The following GSK3B variants were observed in gnomAD, a reference collection of about 807,000 sequenced individuals.
GSK3B encodes the protein glycogen synthase kinase 3 beta, also known as glycogen synthase kinase-3 beta.
A neutral mutation model predicts 56.4 loss-of-function variants in GSK3B; 15 were observed. The ratio of observed to expected loss-of-function variants is 0.27; its 90% CI spans 0.18 to 0.41. GSK3B has a LOEUF of 0.41. Among genes scored for constraint, GSK3B ranks in the 10% least tolerant of loss-of-function variants. GSK3B has a pLI of 1.00. For synonymous variants in GSK3B, 181 were observed against 188.9 expected, an observed-to-expected ratio of 0.96 and a Z score of 0.34; for missense variants, 300 against 513.4, an observed-to-expected ratio of 0.58 and a Z score of 4.02.
At chr3:119,842,347 C>G (rs1454818677) in intron 10 of GSK3B, among the ~76,000 whole-genome samples, 2 of 152,072 alleles carry the variant, frequency 1.3e-5, no homozygotes, top group Admixed American at 1.3e-4. Flanking sequence ...AGTCTTGTCA[C>G]ATTCTGATCT....
chr3:119,897,848 G>T (rs1214145482), intron 7 of GSK3B, among the ~76,000 whole-genome samples: 2 of 149,732 alleles, frequency 1.3e-5, no homozygotes, highest in Non-Finnish European at 3.0e-5. Flanking sequence ...CAATGAAAAT[G>T]TTAAGTCAGG....
intron 1 of GSK3B, among the ~76,000 whole-genome samples, chr3:120,005,602 GAGAGT>G (rs1156825664): frequency 6.6e-6 from 1 of 152,234 alleles, no homozygotes; most frequent in African/African-American, 2.4e-5. Context: ...CAAGCCAGAA[GAGAGT>G]AGGGGGAAAA....
chr3:119,870,611 C>T (rs1392545401), intron 8 of GSK3B, among the ~76,000 whole-genome samples: 1 of 151,850 alleles, frequency 6.6e-6, no homozygotes, highest in Non-Finnish European at 1.5e-5. Flanking sequence ...AAATATATAG[C>T]CAGTAGAAAT....
chr3:119,848,604 C>T (rs919288529), intron 9 of GSK3B, among the ~76,000 whole-genome samples: 1 of 152,090 alleles, frequency 6.6e-6, no homozygotes, highest in Non-Finnish European at 1.5e-5. Flanking sequence ...TTAATCCCTT[C>T]CCCTAAGACC....
At chr3:120,050,520 G>C (rs1216500623) in intron 1 of GSK3B, among the ~76,000 whole-genome samples, 2 of 152,212 alleles carry the variant, frequency 1.3e-5, no homozygotes, top group Non-Finnish European at 1.5e-5. Flanking sequence ...AGATATTTAG[G>C]GGGTAGACTT....
intron 2 of GSK3B, among the ~76,000 whole-genome samples, chr3:119,973,523 T>C (rs904644378): frequency 6.6e-6 from 1 of 152,192 alleles, no homozygotes; most frequent in Non-Finnish European, 1.5e-5. Flanking sequence ...AGAAGGTCAG[T>C]AGTAGCCTAA....
intron 1 of GSK3B, among the ~76,000 whole-genome samples, chr3:120,010,127 A>AT (rs917137309): frequency 2.6e-5 from 4 of 152,184 alleles, no homozygotes; most frequent in Non-Finnish European, 5.9e-5. Flanking sequence ...ATAAGCCAAT[A>AT]TAAAAAAAGC....
intron 3 of GSK3B, among the ~76,000 whole-genome samples, chr3:119,927,734 T>C (rs550280242): frequency 2.0e-5 from 3 of 152,062 alleles, no homozygotes; most frequent in East Asian, 1.9e-4. Context: ...GCCATGAGAA[T>C]AGACTTGTTC....
intron 2 of GSK3B, among the ~76,000 whole-genome samples, chr3:119,967,681 G>A (rs1217408162): frequency 6.6e-6 from 1 of 152,004 alleles, no homozygotes; most frequent in African/African-American, 2.4e-5. Flanking sequence ...TTGGACAACT[G>A]GATATTCAGC....
intron 1 of GSK3B, among the ~76,000 whole-genome samples, chr3:120,003,968 G>T (rs952461686): frequency 1.3e-5 from 2 of 152,244 alleles, no homozygotes; most frequent in African/African-American, 4.8e-5. Flanking sequence ...AAGTGCAAAG[G>T]GTTGGGGGAT....
chr3:119,834,964 C>T (rs188922496), intron 10 of GSK3B, among the ~76,000 whole-genome samples: 3 of 152,228 alleles, frequency 2.0e-5, no homozygotes, highest in Non-Finnish European at 4.4e-5. Context: ...ACAAAGTGAA[C>T]CTGAAACCCT....
chr3:120,083,595 A>G (rs1267766925), intron 1 of GSK3B, among the ~76,000 whole-genome samples: 1 of 152,246 alleles, frequency 6.6e-6, no homozygotes, highest in Non-Finnish European at 1.5e-5. Flanking sequence ...AAACAGCTTA[A>G]TAGCTCCTTA....
At chr3:120,091,030 T>TC (rs1559909772) in intron 1 of GSK3B, among the ~76,000 whole-genome samples, 1 of 152,140 alleles carries the variant, frequency 6.6e-6, no homozygotes, top group African/African-American at 2.4e-5. Context: ...TTAACATCAG[T>TC]CCTAATACAC....
intron 2 of GSK3B, among the ~76,000 whole-genome samples, chr3:119,967,866 CCTTT>C (rs527871617): frequency 1.2e-3 from 152 of 129,812 alleles, no homozygotes; most frequent in Non-Finnish European, 1.9e-3. Flanking sequence ...CTCTCTCTCT[CCTTT>C]CTTTCTTGAA....
intron 1 of GSK3B, among the ~76,000 whole-genome samples, chr3:120,066,356 A>G (rs1221186039): frequency 1.3e-5 from 2 of 152,192 alleles, no homozygotes; most frequent in Non-Finnish European, 2.9e-5. Context: ...CAGGATTACC[A>G]AAGACTACTG....
At chr3:120,024,986 T>C (rs906908012) in intron 1 of GSK3B, among the ~76,000 whole-genome samples, 1 of 152,170 alleles carries the variant, frequency 6.6e-6, no homozygotes, top group Admixed American at 6.5e-5. Context: ...AGAAAGAAGA[T>C]AGACTCACTA....
At chr3:120,009,184 AC>A (rs2057756643) in intron 1 of GSK3B, among the ~76,000 whole-genome samples, 2 of 152,220 alleles carry the variant, frequency 1.3e-5, no homozygotes, top group Admixed American at 6.5e-5. Context: ...TCAGGAAACA[AC>A]AGATGCTGGA....
At chr3:120,093,260 G>T in intron 1 of GSK3B, 87 bp downstream of exon 1, 1 of 877,328 alleles carries the variant, frequency 1.1e-6, no homozygotes, top group Non-Finnish European at 1.9e-6. Flanking sequence ...TTATCAGGAG[G>T]TCTAATAATT....
intron 4 of GSK3B, among the ~76,000 whole-genome samples, chr3:119,919,052 T>A (rs1290300013): frequency 6.6e-6 from 1 of 152,142 alleles, no homozygotes; most frequent in African/African-American, 2.4e-5. Context: ...AAAAAAAAAT[T>A]AAGTTCACAA....
Sources: gnomAD v4.1 joint callset for allele counts (sites outside exome capture counted in the v4.1 genomes callset) on GRCh38, gnomAD v4.1.1 for gene constraint, MANE v1.5 for transcripts, NCBI Gene and HGNC (gene_info 2026-07-23, HGNC 2026-07-21) for gene names.